Variants in CACNG3 observed in about 807,000 individuals in gnomAD.
CACNG3 encodes voltage-dependent calcium channel gamma-3 subunit.
Under a neutral mutation model 28.5 loss-of-function variants are expected in CACNG3, and 3 were observed. The ratio of observed to expected loss-of-function variants is 0.11; its 90% CI spans 0.05 to 0.27. The LOEUF is 0.27. Ranked by LOEUF, CACNG3 falls within the 10% of genes least tolerant of loss-of-function variation. The probability of loss-of-function intolerance (pLI) is 1.00; values close to 1 mark genes in which losing one functional copy is unlikely to be tolerated. For missense variants in CACNG3, 236 were observed against 414.4 expected, an observed-to-expected ratio of 0.57 and a Z score of 3.74; for synonymous variants, 174 against 162.2, an observed-to-expected ratio of 1.07 and a Z score of -0.55.
chr16:24,310,757 G>A (rs1380959427), intron 1 of CACNG3, among the ~76,000 whole-genome samples: 2 of 152,148 alleles, frequency 1.3e-5, no homozygotes, highest in African/African-American at 2.4e-5. Context: ...CACATACCTG[G>A]TAGGGGGTGC....
chr16:24,362,346 C>G lies in CACNG3; in HGVS notation c.*483C>G, dbSNP rs1467590540. On this transcript the variant is annotated 3_prime_UTR_variant, in exon 4 of 4. Transcript: ENST00000005284. ...AAACATGACCAGAAATCAAAGATGT[C>G]AGAGCCCCGAAGCAGCTAATGTAAT... The G allele has an allele frequency of 6.4e-6, 1 of 155,750 alleles. No individual in the cohort carries two copies. The highest frequency in any genetic ancestry group is 1.4e-5 in the Non-Finnish European group (1 of 70,100). 9.6% of individuals were successfully genotyped at this position (155,750 alleles called of 1,614,324 possible).
intron 1 of CACNG3, among the ~76,000 whole-genome samples, chr16:24,318,734 T>C (rs1393952954): frequency 6.6e-6 from 1 of 152,112 alleles, no homozygotes; most frequent in Non-Finnish European, 1.5e-5. Flanking sequence ...ATATTCTGGG[T>C]GCTCTAACCA....
chr16:24,264,294 C>T (rs1898570829), intron 1 of CACNG3, among the ~76,000 whole-genome samples: 1 of 152,230 alleles, frequency 6.6e-6, no homozygotes, highest in Non-Finnish European at 1.5e-5. Context: ...TGGTTCCGAA[C>T]TGACTCTATC....
At chr16:24,314,516 A>G (rs1228470370) in intron 1 of CACNG3, among the ~76,000 whole-genome samples, 1 of 152,196 alleles carries the variant, frequency 6.6e-6, no homozygotes, top group Admixed American at 6.5e-5. Context: ...GTGCTCGTGG[A>G]TGAATCTGGA....
intron 1 of CACNG3, among the ~76,000 whole-genome samples, chr16:24,280,579 G>T (rs1898811841): frequency 6.6e-6 from 1 of 152,066 alleles, no homozygotes; most frequent in Admixed American, 6.5e-5. Context: ...ACTTTGGGAG[G>T]CTGAGGTGGG....
chr16:24,291,037 C>T (rs368497706), intron 1 of CACNG3, among the ~76,000 whole-genome samples: 18 of 152,314 alleles, frequency 1.2e-4, no homozygotes, highest in African/African-American at 3.8e-4. Flanking sequence ...CTGCCACTTA[C>T]TAGCCAGGTG....
intron 1 of CACNG3, among the ~76,000 whole-genome samples, chr16:24,306,331 G>C (rs1899185023): frequency 6.6e-6 from 1 of 152,214 alleles, no homozygotes; most frequent in African/African-American, 2.4e-5. Context: ...TGACCATACT[G>C]AACAAGGTGA....
chr16:24,260,007 A>T (rs943222197), intron 1 of CACNG3, among the ~76,000 whole-genome samples: 10 of 152,232 alleles, frequency 6.6e-5, no homozygotes, highest in Admixed American at 6.5e-5. Context: ...TAAAGCCAAC[A>T]TGTATTGGTA....
intron 1 of CACNG3, among the ~76,000 whole-genome samples, chr16:24,271,948 A>G (rs926432088): frequency 2.0e-5 from 3 of 152,194 alleles, no homozygotes. Context: ...ACAGGGGAGA[A>G]CTGACCTCTT....
chr16:24,313,531 C>G (rs1013796180), intron 1 of CACNG3, among the ~76,000 whole-genome samples: 1 of 152,168 alleles, frequency 6.6e-6, no homozygotes, highest in African/African-American at 2.4e-5. Flanking sequence ...GTGTCTCAGG[C>G]TGAAGTGCAG....
intron 1 of CACNG3, 145 bp downstream of exon 1, chr16:24,257,110 A>G (rs1898469581): frequency 3.2e-6 from 2 of 633,648 alleles, no homozygotes; most frequent in Admixed American, 5.1e-5. Context: ...CTCTGTTAAC[A>G]GCAAGACTGA....
chr16:24,352,151 C>T (rs1366945625), intron 2 of CACNG3, among the ~76,000 whole-genome samples: 1 of 151,998 alleles, frequency 6.6e-6, no homozygotes, highest in Non-Finnish European at 1.5e-5. Context: ...AAACTGAAAA[C>T]ACAAACAAGC....
intron 1 of CACNG3, among the ~76,000 whole-genome samples, chr16:24,317,570 GAAAGAAA>G (rs1899372435): frequency 4.3e-5 from 2 of 46,632 alleles, no homozygotes; most frequent in Non-Finnish European, 7.6e-5. Flanking sequence ...AAGAAAGAAA[GAAAGAAA>G]GAAAGAAAGA....
At chr16:24,304,576 GGTTTT>G (rs1238273859) in intron 1 of CACNG3, among the ~76,000 whole-genome samples, 1 of 152,040 alleles carries the variant, frequency 6.6e-6, no homozygotes, top group African/African-American at 2.4e-5. Flanking sequence ...TGGGGTATTT[GGTTTT>G]GTTTTGTTTT....
At chr16:24,280,724 G>A (rs1475548098) in intron 1 of CACNG3, among the ~76,000 whole-genome samples, 1 of 142,460 alleles carries the variant, frequency 7.0e-6, no homozygotes, top group Non-Finnish European at 1.5e-5. Flanking sequence ...GCTGAAGCAT[G>A]AAAATCACTT....
At chr16:24,337,907 G>T (rs1899733145) in intron 1 of CACNG3, among the ~76,000 whole-genome samples, 1 of 144,164 alleles carries the variant, frequency 6.9e-6, no homozygotes, top group South Asian at 2.2e-4. Flanking sequence ...ATGGACATGG[G>T]CAACTGAAGG....
intron 1 of CACNG3, among the ~76,000 whole-genome samples, chr16:24,342,068 G>A (rs1376445550): frequency 2.6e-5 from 4 of 152,144 alleles, no homozygotes; most frequent in Non-Finnish European, 5.9e-5. Flanking sequence ...AGGAGTTCAA[G>A]ACCAGCCTGG....
At chr16:24,273,767 C>G (rs564658780) in intron 1 of CACNG3, among the ~76,000 whole-genome samples, 1 of 152,192 alleles carries the variant, frequency 6.6e-6, no homozygotes, top group Non-Finnish European at 1.5e-5. Context: ...AAAATCATGC[C>G]ATATATTTAT....
intron 1 of CACNG3, among the ~76,000 whole-genome samples, chr16:24,295,200 T>C (rs1899015941): frequency 6.6e-6 from 1 of 152,170 alleles, no homozygotes. Flanking sequence ...AGTCCAGCTT[T>C]CTCCAGACTT....
Sources: allele counts gnomAD v4.1 joint callset (sites outside exome capture counted in the v4.1 genomes callset), GRCh38; gene constraint gnomAD v4.1.1; transcripts MANE v1.5; gene names NCBI Gene and HGNC (gene_info 2026-07-23, HGNC 2026-07-21).